KIT: variants seen among roughly 807,000 people sequenced by gnomAD.
KIT encodes mast/stem cell growth factor receptor Kit.
A neutral mutation model predicts 105.7 loss-of-function variants in KIT; 16 were observed. That is an observed-to-expected ratio of 0.15 (90% CI 0.10 to 0.23). The LOEUF (loss-of-function observed/expected upper bound fraction) is 0.23. Ranked by LOEUF, KIT falls within the 10% of genes least tolerant of loss-of-function variation. The pLI, the probability that KIT is intolerant of heterozygous loss-of-function variation, is 1.00. For synonymous variants in KIT, 438 were observed against 441.1 expected (o/e 0.99, Z 0.09); for missense variants, 858 against 1,213.8 (o/e 0.71, Z 4.36).
Position 54,725,608 on chromosome 4 carries a change from G to T in KIT, c.1347-249G>T, listed in dbSNP as rs566689390. Reference sequence around the variant, plus strand: ...TTTACAGTCGTAGAAACTCAGTGTTGGTGGGGGTTAAAAACTCATCAGGAT... The same window carrying T: ...TTTACAGTCGTAGAAACTCAGTGTTTGTGGGGGTTAAAAACTCATCAGGAT... On this transcript the variant is annotated intron_variant, in intron 8 of 20. Coordinates refer to ENST00000288135, the MANE Select transcript of KIT (RefSeq NM_000222.3). Among the ~76,000 whole-genome samples, 14 of 152,176 alleles carry T rather than the reference G, an allele frequency of 9.2e-5. 1 individual carries two copies. In the East Asian group the frequency reaches 2.5e-3, roughly 27 times the overall value.
intron 7 of KIT, among the ~76,000 whole-genome samples, chr4:54,714,383 C>G (rs372118220): frequency 1.0e-3 from 152 of 151,688 alleles, no homozygotes; most frequent in African/African-American, 3.6e-3. Flanking sequence ...TTTGCCAGAT[C>G]CAGGACAAAT....
intron 1 of KIT, among the ~76,000 whole-genome samples, chr4:54,695,258 G>T (rs547110294): frequency 5.3e-4 from 81 of 152,298 alleles, no homozygotes; most frequent in Admixed American, 1.1e-3. Context: ...CCCAGAGAAG[G>T]CTGGGGCATT....
intron 1 of KIT, among the ~76,000 whole-genome samples, chr4:54,694,562 C>T (rs113210354): frequency 2.6e-5 from 4 of 152,134 alleles, no homozygotes; most frequent in Non-Finnish European, 4.4e-5. Flanking sequence ...ATGTGTTGGG[C>T]GGTGGGGGCG....
At chr4:54,720,101 T>A (rs1208803205) in intron 7 of KIT, among the ~76,000 whole-genome samples, 1 of 152,190 alleles carries the variant, frequency 6.6e-6, no homozygotes, top group Non-Finnish European at 1.5e-5. Flanking sequence ...CTTACTCTTG[T>A]CCTGGCTTTG....
rs1560414582 is a variant in KIT, at chr4:54,723,709, T to G, written c.1346+11T>G. 6.6e-7 allele frequency: 1 copy of G among 1,509,142 alleles called. No homozygotes were observed. Among genetic ancestry groups the G allele is most frequent in the Non-Finnish European group, 9.2e-7 (1 of 1,084,670 alleles). The allele number at this position is 1,509,142 out of a possible 1,614,324, so 93.5% of individuals were successfully genotyped here. A position where few individuals can be genotyped will look rare whatever the true frequency, so the allele number is the denominator to read the frequency against. On this transcript the variant is annotated intron_variant, in intron 8 of 20. Transcript: ENST00000288135. Reference sequence around the variant, plus strand: ...AGGAACTGAGCAGAGGTGAGATGATTATTTTTGGCACTGCTTATAATGCAG... The same window carrying G: ...AGGAACTGAGCAGAGGTGAGATGATGATTTTTGGCACTGCTTATAATGCAG...
At chr4:54,675,572 T>G (rs1293450985) in intron 1 of KIT, among the ~76,000 whole-genome samples, 2 of 152,226 alleles carry the variant, frequency 1.3e-5, no homozygotes, top group East Asian at 3.8e-4. Context: ...CCAATGTGAT[T>G]GTTTTGGCCT....
intron 13 of KIT, 165 bp from the exon 14 acceptor site, chr4:54,729,169 CT>C (rs1722427456): frequency 1.0e-5 from 7 of 687,636 alleles, no homozygotes; most frequent in African/African-American, 1.8e-5. Context: ...CATAAGGCTG[CT>C]TTTTTGATAA....
chr4:54,736,077 T>C (rs1482516375), intron 17 of KIT, among the ~76,000 whole-genome samples: 1 of 152,202 alleles, frequency 6.6e-6, no homozygotes, highest in African/African-American at 2.4e-5. Flanking sequence ...GTCACCTAAC[T>C]ACAGCTAGCT....
chr4:54,705,685 C>G (rs1720741133), intron 5 of KIT, among the ~76,000 whole-genome samples: 1 of 152,020 alleles, frequency 6.6e-6, no homozygotes, highest in Admixed American at 6.5e-5. Context: ...GAGTTTGAAA[C>G]CAGCCTGAGC....
At chr4:54,683,773 A>G (rs993315064) in intron 1 of KIT, among the ~76,000 whole-genome samples, 3 of 152,190 alleles carry the variant, frequency 2.0e-5, no homozygotes, top group African/African-American at 7.2e-5. Flanking sequence ...TTCAAAAAGC[A>G]GAAGCAGCCC....
At position 54,717,905 on chromosome 4, in the gene KIT, C is replaced by G. The variant is rs183845404; in HGVS notation, c.1232-5679C>G. Among the ~76,000 whole-genome samples the G allele has an allele frequency of 1.2e-4, 18 of 152,158 alleles. No individual in the cohort carries two copies. The South Asian group carries it at 3.1e-3, about 26-fold the overall frequency. On this transcript the variant is annotated intron_variant, in intron 7 of 20. Transcript: ENST00000288135. ...TGATGTGTGTACAGGTCTTCCTCCC[C>G]ACGGCTGGGTGATACAGCAATGGTG... is the stretch of plus-strand genomic sequence containing the variant.
At chr4:54,684,923 T>A (rs905986851) in intron 1 of KIT, among the ~76,000 whole-genome samples, 1 of 152,182 alleles carries the variant, frequency 6.6e-6, no homozygotes, top group African/African-American at 2.4e-5. Context: ...CCCTGGAGAC[T>A]TGAGGGTGGG....
chr4:54,658,576 T>C (rs2109524233), intron 1 of KIT, among the ~76,000 whole-genome samples: 1 of 152,274 alleles, frequency 6.6e-6, no homozygotes, highest in Admixed American at 6.5e-5. Context: ...GCCCTTTCTC[T>C]GCTCTGCGGC....
At chr4:54,688,372 G>A (rs1444430184) in intron 1 of KIT, among the ~76,000 whole-genome samples, 1 of 152,160 alleles carries the variant, frequency 6.6e-6, no homozygotes, top group Non-Finnish European at 1.5e-5. Flanking sequence ...GAACTACAAT[G>A]CACAGGCTCT....
intron 1 of KIT, 106 bp downstream of exon 1, chr4:54,658,187 T>G: frequency 8.8e-7 from 1 of 1,130,634 alleles, no homozygotes; most frequent in South Asian, 1.3e-5. Flanking sequence ...CTGCGGGCCC[T>G]CAGTGCCCGT....
chr4:54,724,025 G>T (rs1288587421), intron 8 of KIT, among the ~76,000 whole-genome samples: 1 of 152,222 alleles, frequency 6.6e-6, no homozygotes. Context: ...AGGAGGTAAT[G>T]TGTGTGGGAA....
chr4:54,664,058 GA>G (rs932971723), intron 1 of KIT, among the ~76,000 whole-genome samples: 5 of 152,158 alleles, frequency 3.3e-5, no homozygotes, highest in Admixed American at 2.6e-4. Flanking sequence ...TTTTCAAGGA[GA>G]TGAGCTTAAA....
rs1372684329 is a variant in KIT at position 54,707,271 on chromosome 4, A to G, written c.1099A>G (p.Asn367Asp). Reference protein sequence around the residue: ...DKWEDYPKSENESNIRYVSEL... With the variant: ...DKWEDYPKSEDESNIRYVSEL... ...ATGGGAAGATTATCCCAAGTCTGAG[A>G]ATGAAAGTAATATCAGGTAAGAAAT... is the stretch of plus-strand genomic sequence containing the variant. Residue 367 changes from asparagine (N) to aspartate (D), a missense_variant, in exon 6 of 21, where the codon AAT becomes GAT. Physicochemically the swap from Asn to Asp is conservative, Grantham distance 23 (BLOSUM62 1). Transcript: ENST00000288135. 1 of 1,609,974 alleles carries G rather than the reference A, an allele frequency of 6.2e-7. No homozygotes were observed. Among genetic ancestry groups the G allele is most frequent in the East Asian group, 2.2e-5 (1 of 44,854 alleles).
chr4:54,658,437 A>G (rs773742985), intron 1 of KIT, among the ~76,000 whole-genome samples: 15 of 151,834 alleles, frequency 9.9e-5, no homozygotes, highest in East Asian at 2.0e-4. Context: ...AGGGGTTTGC[A>G]CCGAGCGCCT....
Sources: gnomAD v4.1 joint callset for allele counts (sites outside exome capture counted in the v4.1 genomes callset) on GRCh38, gnomAD v4.1.1 for gene constraint, MANE v1.5 for transcripts, NCBI Gene and HGNC (gene_info 2026-07-23, HGNC 2026-07-21) for gene names.